The following SYCP2 variants were observed in gnomAD, a reference collection of about 807,000 sequenced individuals.
The protein encoded by SYCP2 is synaptonemal complex lateral element protein.
SYCP2 carries 55 observed loss-of-function variants against 211.3 expected under a neutral mutation model. The observed-to-expected ratio is 0.26, with a 90% CI of 0.21 to 0.33. The LOEUF (loss-of-function observed/expected upper bound fraction) is 0.33, where lower values mean the gene tolerates loss of function less well. Among genes scored for constraint, SYCP2 ranks in the 10% least tolerant of loss-of-function variants. The pLI is 1.00. For synonymous variants in SYCP2, 570 were observed against 555.2 expected, an observed-to-expected ratio of 1.03 and a Z score of -0.37; for missense variants, 1,731 against 1,752.0, an observed-to-expected ratio of 0.99 and a Z score of 0.21.
intron 15 of SYCP2, among the ~76,000 whole-genome samples, chr20:59,904,232 G>A (rs1049552962): frequency 6.6e-6 from 1 of 152,120 alleles, no homozygotes; most frequent in African/African-American, 2.4e-5. Flanking sequence ...TCAATGTACT[G>A]CCTGATACAG....
At chr20:59,908,151 A>G (rs2060246573) in intron 14 of SYCP2, among the ~76,000 whole-genome samples, 1 of 152,192 alleles carries the variant, frequency 6.6e-6, no homozygotes, top group African/African-American at 2.4e-5. Flanking sequence ...CAGGAGGCTG[A>G]GGCAGGAGAA....
At chr20:59,917,134 T>A (rs2060457879) in intron 7 of SYCP2, among the ~76,000 whole-genome samples, 1 of 144,082 alleles carries the variant, frequency 6.9e-6, no homozygotes, top group Admixed American at 6.8e-5. Context: ...AGGTATTTAT[T>A]TTTTTTTTTA....
At chr20:59,889,234 G>C (rs1387897648) in intron 24 of SYCP2, among the ~76,000 whole-genome samples, 1 of 151,094 alleles carries the variant, frequency 6.6e-6, no homozygotes, top group Non-Finnish European at 1.5e-5. Flanking sequence ...CTAAGCACTT[G>C]AGTTAATAAT....
intron 2 of SYCP2, among the ~76,000 whole-genome samples, chr20:59,928,608 A>C (rs1164245064): frequency 6.6e-6 from 1 of 152,192 alleles, no homozygotes; most frequent in Non-Finnish European, 1.5e-5. Flanking sequence ...TAAACAGTGA[A>C]GTATTAAGAA....
chr20:59,900,098 A>C, intron 18 of SYCP2, 40 bp downstream of exon 18: 2 of 1,595,580 alleles, frequency 1.3e-6, no homozygotes, highest in Non-Finnish European at 1.7e-6. Flanking sequence ...GATTTGATCA[A>C]TGGTAGTTTT....
intron 14 of SYCP2, among the ~76,000 whole-genome samples, 172 bp from the exon 15 acceptor site, chr20:59,907,596 AT>A (rs1301436084): frequency 6.6e-6 from 1 of 152,214 alleles, no homozygotes; most frequent in Admixed American, 6.5e-5. Flanking sequence ...TACACATGTT[AT>A]ATTTAATGTA....
intron 15 of SYCP2, among the ~76,000 whole-genome samples, chr20:59,906,878 G>A (rs1291272494): frequency 2.6e-5 from 4 of 151,984 alleles, no homozygotes; most frequent in African/African-American, 9.7e-5. Context: ...TATATGAATG[G>A]CCAGAAAGCA....
At chr20:59,928,082 A>G (rs2060666945) in intron 2 of SYCP2, among the ~76,000 whole-genome samples, 1 of 152,140 alleles carries the variant, frequency 6.6e-6, no homozygotes, top group Non-Finnish European at 1.5e-5. Flanking sequence ...CCAACAACCT[A>G]AACTCACACC....
chr20:59,931,630 A>G (rs2060743096), intron 2 of SYCP2, among the ~76,000 whole-genome samples: 1 of 152,236 alleles, frequency 6.6e-6, no homozygotes, highest in Non-Finnish European at 1.5e-5. Context: ...AATTTGAAAC[A>G]GTGTATTTTA....
chr20:59,914,891 T>C (rs2060406697), intron 10 of SYCP2, among the ~76,000 whole-genome samples: 1 of 151,996 alleles, frequency 6.6e-6, no homozygotes, highest in African/African-American at 2.4e-5. Flanking sequence ...AGCTATTATA[T>C]TAAGCTATTA....
intron 22 of SYCP2, 139 bp from the exon 23 acceptor site, chr20:59,892,840 T>A: frequency 3.4e-5 from 24 of 703,848 alleles, no homozygotes; most frequent in Non-Finnish European, 4.9e-5. Flanking sequence ...ATCTTACAGT[T>A]CTACTGTATA....
At chr20:59,913,720 T>C (rs1250246464) in intron 12 of SYCP2, among the ~76,000 whole-genome samples, 3 of 152,078 alleles carry the variant, frequency 2.0e-5, no homozygotes, top group Admixed American at 6.6e-5. Flanking sequence ...TTAATTAATA[T>C]GAATTAAACA....
chr20:59,907,639 T>A, intron 14 of SYCP2, among the ~76,000 whole-genome samples: 1 of 152,206 alleles, frequency 6.6e-6, no homozygotes, highest in Non-Finnish European at 1.5e-5. Context: ...ATGATGATTT[T>A]GACAATTTTC....
At position 59,914,169 on chromosome 20, in the gene SYCP2, C is replaced by G. The variant is rs1568973301; in HGVS notation, c.717G>C (p.Trp239Cys). 1 of 1,605,664 alleles carries G rather than the reference C, an allele frequency of 6.2e-7. No individual in the cohort carries two copies. Among genetic ancestry groups the G allele is most frequent in the Non-Finnish European group, 8.5e-7 (1 of 1,174,314 alleles). The change falls in exon 11 of 45, where the codon TGG (tryptophan) becomes TGC (cysteine). Residue 239 changes from tryptophan to cysteine, a missense_variant. By Grantham distance (215) the Trp-to-Cys change is radical. Around this residue, in one of 3 missense-constraint regions of SYCP2, gnomAD observed 335 missense variants for 378.8 expected, o/e 0.88. Transcript: ENST00000357552. Reference protein sequence around the residue: ...EKQRQELAHQWFSMDFIAKAF... With the variant: ...EKQRQELAHQCFSMDFIAKAF... ...CCTTAGCAATAAAATCCATTGAAAA[C>G]CACTGATGTGCCAGTTCTTGTCTTT...
intron 18 of SYCP2, among the ~76,000 whole-genome samples, chr20:59,897,397 C>T (rs913199861): frequency 6.6e-6 from 1 of 152,126 alleles, no homozygotes; most frequent in Non-Finnish European, 1.5e-5. Flanking sequence ...GTGAATGGAA[C>T]CTGAACAGTT....
intron 35 of SYCP2, among the ~76,000 whole-genome samples, chr20:59,870,996 A>G (rs78471197): frequency 0.02 from 3,018 of 151,996 alleles, 40 homozygotes; most frequent in Middle Eastern, 0.041. Flanking sequence ...AAGATTTCTT[A>G]AACAACCCAG....
At chr20:59,887,421 A>G (rs957509054) in intron 24 of SYCP2, among the ~76,000 whole-genome samples, 1 of 152,136 alleles carries the variant, frequency 6.6e-6, no homozygotes, top group African/African-American at 2.4e-5. Context: ...GGTGGGTTCC[A>G]AGTCTTTGCT....
rs1229417116 is a variant in SYCP2 at position 59,911,806 on chromosome 20, T to C, written c.916A>G (p.Ile306Val). The C allele has an allele frequency of 3.8e-6, 6 of 1,589,762 alleles. No individual in the cohort carries two copies. Among genetic ancestry groups the C allele is most frequent in the Non-Finnish European group, 5.1e-6 (6 of 1,165,926 alleles). ...GTCTGACTCCCAAGATTAAAATCAA[T>C]CCAAAATTCCTCAAGTTTTTCATCT... Reference protein sequence around the residue: ...PSDEKLEEFWIDFNLGSQTLS... With the variant: ...PSDEKLEEFWVDFNLGSQTLS... The change falls in exon 14 of 45, where the codon ATT (isoleucine) becomes GTT (valine). Residue 306 changes from isoleucine to valine, a missense_variant. This residue lies in a region of SYCP2 where 335 missense variants were observed against 378.8 expected (regional missense o/e 0.88). Coordinates refer to ENST00000357552, the MANE Select transcript of SYCP2 (RefSeq NM_014258.4).
chr20:59,877,439 T>C lies in SYCP2; in HGVS notation c.3096A>G (p.Glu1032=). 6.2e-7 allele frequency: 1 copy of C among 1,602,432 alleles called. No individual in the cohort carries two copies. Among genetic ancestry groups the C allele is most frequent in the Non-Finnish European group, 8.5e-7 (1 of 1,177,052 alleles). The part of the protein sequence containing the change: ...KKNYKDLSNS[E]SECEQEFSHS... ...GTGAAAATTCTTGTTCACACTCTGA[T>C]TCTGAATTTGAGAGATCTTTATAGT... Residue 1032 remains glutamate, a synonymous_variant, in exon 33 of 45, where the codon GAA becomes GAG. Transcript: ENST00000357552.
Sources: gnomAD v4.1 joint callset for allele counts (sites outside exome capture counted in the v4.1 genomes callset) on GRCh38, gnomAD v4.1.1 for gene constraint, gnomAD v4.1.1 regional missense constraint, MANE v1.5 for transcripts, NCBI Gene and HGNC (gene_info 2026-07-23, HGNC 2026-07-21) for gene names.